PIEZO2: variants seen among roughly 807,000 people sequenced by gnomAD.
PIEZO2 encodes piezo-type mechanosensitive ion channel component 2.
In PIEZO2, 172 loss-of-function variants were observed where a neutral mutation model predicts 337.3. The observed-to-expected ratio is 0.51, with a 90% CI of 0.45 to 0.58. The LOEUF is 0.58. PIEZO2 is among the 20% of genes least tolerant of loss of function. The pLI, the probability that PIEZO2 is intolerant of heterozygous loss-of-function variation, is 0.00. For synonymous variants in PIEZO2, 1,251 were observed against 1,228.5 expected (o/e 1.02, Z -0.38); for missense variants, 3,028 against 3,391.3 (o/e 0.89, Z 2.66).
rs72868832 is a variant in PIEZO2, at chr18:10,977,215, A to C, written c.286+2320T>G. Among the ~76,000 whole-genome samples, 541 of 152,146 alleles carry C rather than the reference A, an allele frequency of 3.6e-3. 1 individual carries two copies. Among genetic ancestry groups the C allele is most frequent in the Non-Finnish European group, 6.5e-3 (440 of 68,000 alleles). On this transcript the variant is annotated intron_variant, in intron 3 of 55. Transcript: ENST00000674853. Reference sequence around the variant, plus strand: ...AACACTTAGACTCTTGTGAGTCAGAAGAGATCATAAATTTCACTTCCACCC... The same window carrying C: ...AACACTTAGACTCTTGTGAGTCAGACGAGATCATAAATTTCACTTCCACCC...
intron 7 of PIEZO2, among the ~76,000 whole-genome samples, chr18:10,811,562 T>C (rs529864500): frequency 6.6e-6 from 1 of 152,268 alleles, no homozygotes; most frequent in East Asian, 1.9e-4. Flanking sequence ...TACAAACAAA[T>C]TCTGGAATTT....
At position 11,078,540 on chromosome 18, in the gene PIEZO2, G is replaced by A. The variant is rs1275550722; in HGVS notation, c.65-12318C>T. Among the ~76,000 whole-genome samples the A allele has an allele frequency of 6.6e-6, 1 of 152,104 alleles. No homozygotes were observed. The highest frequency in any genetic ancestry group is 1.5e-5 in the Non-Finnish European group (1 of 68,024). ...TTTGACATTGTCTGCTTCTTCCTGG[G>A]AACATCCTCTTCCCTGACATATATG... On this transcript the variant is annotated intron_variant, in intron 1 of 55. Coordinates refer to ENST00000674853, the MANE Select transcript of PIEZO2 (RefSeq NM_001378183.1). The surrounding 1 kb of genome is among the most constrained non-coding windows in gnomAD (Gnocchi z 5.3).
rs866587998 is a variant in PIEZO2 at position 10,795,354 on chromosome 18, A to T, written c.1528-352T>A. On this transcript the variant is annotated intron_variant, in intron 12 of 55. Transcript: ENST00000674853. This position sits in a 1 kb window ranked among gnomAD's most constrained non-coding sequence, Gnocchi z 4.4. ...TTATTTTATTTTATTTTATTTTATT[A>T]TTTTATTTTATTTTATTTTATTTTA... 4.1e-3 allele frequency among the ~76,000 whole-genome samples: 116 copies of T among 28,054 alleles called. No individual in the cohort carries two copies. The highest frequency in any genetic ancestry group is 0.014 in the African/African-American group (99 of 7,148). 18.4% of individuals were successfully genotyped at this position (28,054 alleles called of 152,430 possible). A position where few individuals can be genotyped will look rare whatever the true frequency, so the allele number is the denominator to read the frequency against.
chr18:10,972,892 C>G (rs2034299623), intron 3 of PIEZO2, among the ~76,000 whole-genome samples: 1 of 152,144 alleles, frequency 6.6e-6, no homozygotes, highest in Admixed American at 6.5e-5. Context: ...GTCCCAAGGG[C>G]ATGGCCTATA....
At chr18:10,678,216 C>G (rs947573905) in intron 52 of PIEZO2, among the ~76,000 whole-genome samples, 3 of 152,232 alleles carry the variant, frequency 2.0e-5, no homozygotes, top group African/African-American at 7.2e-5. Flanking sequence ...CGGCAATAAA[C>G]AAACTCCATG....
chr18:11,054,092 G>A (rs2625373), intron 2 of PIEZO2, among the ~76,000 whole-genome samples: 21,845 of 152,128 alleles, frequency 0.14, 1,964 homozygotes, highest in African/African-American at 0.25. Flanking sequence ...CTGACCTGAC[G>A]TTAATTATAC....
chr18:10,908,999 T>A (rs1007631764), intron 4 of PIEZO2, among the ~76,000 whole-genome samples: 3 of 152,226 alleles, frequency 2.0e-5, no homozygotes, highest in Non-Finnish European at 4.4e-5. Context: ...CTGCCTGTTT[T>A]TGTAAATAAA....
chr18:10,917,927 T>C (rs1210007496), intron 3 of PIEZO2, among the ~76,000 whole-genome samples: 2 of 152,192 alleles, frequency 1.3e-5, no homozygotes, highest in Non-Finnish European at 2.9e-5. Context: ...GAGATTTTCA[T>C]ATCTAATCAA....
In PIEZO2 at chr18:10,715,779, A is replaced by G; in HGVS notation, c.5127T>C (p.Phe1709=). ...IIKRIFNILK[F]TWVLFLATVD... is the part of the protein sequence containing the mutation. ...CTGTTGCCAGAAATAGGACCCAGGTAAATTTCAAAATATTAAATATCCTCT... is the reference window on the plus strand; with the variant it reads ...CTGTTGCCAGAAATAGGACCCAGGTGAATTTCAAAATATTAAATATCCTCT... Residue 1709 remains phenylalanine, a synonymous_variant, in exon 38 of 56, where the codon TTT becomes TTC. Transcript: ENST00000674853. The G allele has an allele frequency of 6.5e-7, 1 of 1,533,300 alleles. No individual in the cohort carries two copies. Among genetic ancestry groups the G allele is most frequent in the East Asian group, 2.4e-5 (1 of 40,892 alleles). 95.0% of individuals were successfully genotyped at this position (1,533,300 alleles called of 1,614,324 possible). A position where few individuals can be genotyped will look rare whatever the true frequency, so the allele number is the denominator to read the frequency against.
chr18:10,719,624 A>G (rs1208810499), intron 36 of PIEZO2, among the ~76,000 whole-genome samples: 2 of 152,184 alleles, frequency 1.3e-5, no homozygotes, highest in African/African-American at 4.8e-5. Flanking sequence ...GGTTGATTAC[A>G]TATTTATGCT....
chr18:10,771,017 G>A (rs761660353), intron 20 of PIEZO2, among the ~76,000 whole-genome samples: 6 of 152,064 alleles, frequency 3.9e-5, no homozygotes, highest in Non-Finnish European at 1.5e-5. Flanking sequence ...AGGCATGAGC[G>A]CCCATGCCCC....
intron 2 of PIEZO2, among the ~76,000 whole-genome samples, chr18:10,994,085 T>A (rs531358555): frequency 1.6e-4 from 24 of 152,292 alleles, no homozygotes; most frequent in African/African-American, 5.8e-4. Flanking sequence ...AGCTTCCACT[T>A]ATGAGTGAGA....
chr18:10,743,655 A>G (rs543341619), intron 31 of PIEZO2, among the ~76,000 whole-genome samples: 1 of 152,292 alleles, frequency 6.6e-6, no homozygotes, highest in African/African-American at 2.4e-5. Flanking sequence ...ACTGGATGAT[A>G]TTATCTAAAA....
Position 11,096,510 on chromosome 18 carries a change from T to C in PIEZO2, c.65-30288A>G, listed in dbSNP as rs558669645. 6.6e-6 allele frequency among the ~76,000 whole-genome samples: 1 copy of C among 152,302 alleles called. No individual in the cohort carries two copies. The highest frequency in any genetic ancestry group is 2.1e-4 in the South Asian group (1 of 4,828). On this transcript the variant is annotated intron_variant, in intron 1 of 55. Coordinates refer to ENST00000674853, the MANE Select transcript of PIEZO2 (RefSeq NM_001378183.1). The surrounding 1 kb of genome is among the most constrained non-coding windows in gnomAD (Gnocchi z 4.6). ...GTTTTGGTTTCCTCATTGATAAAACTGAAATGACGCTTTACTAAGCATTCT... is the reference window on the plus strand; with the variant it reads ...GTTTTGGTTTCCTCATTGATAAAACCGAAATGACGCTTTACTAAGCATTCT...
chr18:11,086,483 C>T (rs1223497873), intron 1 of PIEZO2, among the ~76,000 whole-genome samples: 2 of 147,830 alleles, frequency 1.4e-5, no homozygotes, highest in South Asian at 4.2e-4. Context: ...CCCGCCACTG[C>T]ACTCCAGCCT....
At chr18:11,137,122 A>G (rs184754691) in intron 1 of PIEZO2, among the ~76,000 whole-genome samples, 82 of 152,330 alleles carry the variant, frequency 5.4e-4, no homozygotes, top group African/African-American at 1.8e-3. Context: ...ATTCTGTATT[A>G]GGAGCAGGTG....
intron 4 of PIEZO2, among the ~76,000 whole-genome samples, chr18:10,891,300 G>A (rs1432270004): frequency 6.6e-6 from 1 of 152,072 alleles, no homozygotes; most frequent in East Asian, 1.9e-4. Flanking sequence ...TCCAGCCTGG[G>A]AGACAGACTG....
chr18:11,026,872 G>T (rs904536003), intron 2 of PIEZO2, among the ~76,000 whole-genome samples: 1 of 152,108 alleles, frequency 6.6e-6, no homozygotes, highest in African/African-American at 2.4e-5. Context: ...CTCCTAGACA[G>T]GAAGAGGGAA....
intron 2 of PIEZO2, among the ~76,000 whole-genome samples, chr18:11,026,615 C>T (rs1161404565): frequency 1.3e-5 from 2 of 152,262 alleles, no homozygotes; most frequent in Non-Finnish European, 2.9e-5. Context: ...GATACATATA[C>T]TAAAGCATTG....
Sources: gnomAD v4.1 joint callset for allele counts (sites outside exome capture counted in the v4.1 genomes callset) on GRCh38, gnomAD v4.1.1 for gene constraint, Gnocchi (gnomAD v3.1) non-coding constraint, MANE v1.5 for transcripts, NCBI Gene and HGNC (gene_info 2026-07-23, HGNC 2026-07-21) for gene names.